RSPO2: variants seen among roughly 807,000 people sequenced by gnomAD.
RSPO2 encodes the protein R-spondin 2.
Under a neutral mutation model 30.9 loss-of-function variants are expected in RSPO2, and 14 were observed. That is an observed-to-expected ratio of 0.45 (90% CI 0.30 to 0.71). The LOEUF (loss-of-function observed/expected upper bound fraction) is 0.71, where lower values mean the gene tolerates loss of function less well. Among genes scored for constraint, RSPO2 ranks in the 30% least tolerant of loss-of-function variants. RSPO2 has a pLI of 0.08. For synonymous variants in RSPO2, 107 were observed against 96.4 expected (o/e 1.11, Z -0.64); for missense variants, 264 against 301.9 (o/e 0.87, Z 0.93).
chr8:107,997,975 C>T (rs960797173), intron 2 of RSPO2, among the ~76,000 whole-genome samples: 4 of 152,182 alleles, frequency 2.6e-5, no homozygotes, highest in Non-Finnish European at 5.9e-5. Flanking sequence ...TAGGTGAAGG[C>T]ATCCATCCTG....
At chr8:107,994,324 A>T (rs530991083) in intron 2 of RSPO2, among the ~76,000 whole-genome samples, 2 of 152,324 alleles carry the variant, frequency 1.3e-5, no homozygotes, top group Admixed American at 1.3e-4. Flanking sequence ...CAATGTACTT[A>T]CTTACAATTA....
chr8:107,901,096 A>C lies in RSPO2; in HGVS notation c.711T>G (p.Ala237=). Residue 237 remains alanine (A), a synonymous_variant, in exon 6 of 6, where the codon GCT becomes GCG. Coordinates refer to ENST00000276659, the MANE Select transcript of RSPO2 (RefSeq NM_178565.5). ...TGTTTTATTGGTTAGCTCTGTCTGT[A>C]GCTAGGAAGACGCTGTGTTGCTCCT... The part of the protein sequence containing the change: ...RAQEQHSVFL[A]TDRANQ The C allele has an allele frequency of 1.2e-6, 2 of 1,614,056 alleles. No individual in the cohort carries two copies. The highest frequency in any genetic ancestry group is 1.7e-6 in the Non-Finnish European group (2 of 1,179,998).
intron 5 of RSPO2, among the ~76,000 whole-genome samples, chr8:107,957,523 A>T (rs1258458401): frequency 2.0e-5 from 3 of 152,228 alleles, no homozygotes; most frequent in Non-Finnish European, 4.4e-5. Flanking sequence ...GAATAAACAC[A>T]CACATACCAG....
chr8:108,004,710 G>C (rs1301574131), intron 2 of RSPO2, among the ~76,000 whole-genome samples: 1 of 151,998 alleles, frequency 6.6e-6, no homozygotes, highest in Non-Finnish European at 1.5e-5. Context: ...TAGACATGTA[G>C]GTTTATACAT....
chr8:107,911,694 C>T (rs1044772265), intron 5 of RSPO2, among the ~76,000 whole-genome samples: 6 of 152,076 alleles, frequency 3.9e-5, no homozygotes, highest in South Asian at 2.1e-4. Flanking sequence ...TCTATTTTGC[C>T]GATGAGGAAA....
chr8:108,048,913 C>A (rs1012720466), intron 2 of RSPO2, among the ~76,000 whole-genome samples: 1 of 152,132 alleles, frequency 6.6e-6, no homozygotes, highest in Admixed American at 6.6e-5. Context: ...TTTCTGCCTT[C>A]ATTTCGTTGT....
chr8:108,061,545 G>C (rs1405304388), intron 2 of RSPO2, among the ~76,000 whole-genome samples: 1 of 151,656 alleles, frequency 6.6e-6, no homozygotes, highest in East Asian at 1.9e-4. Context: ...CAAATCCTTA[G>C]AGACCTACAA....
intron 3 of RSPO2, among the ~76,000 whole-genome samples, chr8:107,971,930 G>T (rs547897414): frequency 6.6e-6 from 1 of 152,144 alleles, no homozygotes; most frequent in African/African-American, 2.4e-5. Flanking sequence ...AACATCCTCT[G>T]CCCTCCCAAC....
intron 2 of RSPO2, among the ~76,000 whole-genome samples, chr8:108,037,625 T>A (rs941850795): frequency 1.3e-5 from 2 of 152,182 alleles, no homozygotes; most frequent in East Asian, 3.8e-4. Context: ...CACCCAGGAT[T>A]TTCATAGCTA....
At chr8:108,072,492 AT>A (rs71308776) in intron 2 of RSPO2, among the ~76,000 whole-genome samples, 23,754 of 122,502 alleles carry the variant, frequency 0.19, 1,878 homozygotes, top group Middle Eastern at 0.23. Flanking sequence ...AGCCCGGCTA[AT>A]TTTTTTTTTT....
chr8:108,059,854 G>A (rs1198910105), intron 2 of RSPO2, among the ~76,000 whole-genome samples: 1 of 121,212 alleles, frequency 8.3e-6, no homozygotes, highest in East Asian at 2.8e-4. Flanking sequence ...GACTGTTGTG[G>A]GGTGGGGGGA....
intron 3 of RSPO2, among the ~76,000 whole-genome samples, chr8:107,988,550 A>ATT (rs1814731338): frequency 6.6e-6 from 1 of 152,152 alleles, no homozygotes; most frequent in Non-Finnish European, 1.5e-5. Context: ...TGTATGTGGA[A>ATT]TTGTGTCTTA....
At chr8:108,017,519 C>T (rs1462189177) in intron 2 of RSPO2, among the ~76,000 whole-genome samples, 1 of 151,956 alleles carries the variant, frequency 6.6e-6, no homozygotes, top group East Asian at 1.9e-4. Flanking sequence ...GTAGATAATG[C>T]CCCAAATTAA....
chr8:107,949,983 C>T (rs1813189228), intron 5 of RSPO2, among the ~76,000 whole-genome samples: 1 of 152,174 alleles, frequency 6.6e-6, no homozygotes, highest in Non-Finnish European at 1.5e-5. Context: ...CTTTTGGAAG[C>T]ATGTATGTGA....
At chr8:107,951,080 G>GTTT (rs1341027465) in intron 5 of RSPO2, among the ~76,000 whole-genome samples, 5 of 139,412 alleles carry the variant, frequency 3.6e-5, no homozygotes, top group Non-Finnish European at 7.6e-5. Context: ...TGTTGTTGTT[G>GTTT]TTTTTGAGAA....
chr8:108,061,767 T>C (rs939766805), intron 2 of RSPO2, among the ~76,000 whole-genome samples: 20 of 150,852 alleles, frequency 1.3e-4, no homozygotes, highest in South Asian at 2.1e-4. Flanking sequence ...TATTCCAAAA[T>C]TGACCACATA....
chr8:108,059,190 G>T (rs1016170306), intron 2 of RSPO2, among the ~76,000 whole-genome samples: 6 of 151,292 alleles, frequency 4.0e-5, no homozygotes, highest in African/African-American at 1.5e-4. Flanking sequence ...GTGGGCGAAG[G>T]ACATGAACAG....
intron 2 of RSPO2, among the ~76,000 whole-genome samples, chr8:108,068,196 A>G (rs1437485798): frequency 6.6e-6 from 1 of 152,246 alleles, no homozygotes; most frequent in Non-Finnish European, 1.5e-5. Flanking sequence ...ATAAGTAATA[A>G]AGAGGTGACT....
intron 5 of RSPO2, among the ~76,000 whole-genome samples, chr8:107,905,939 A>T (rs572506300): frequency 1.2e-3 from 181 of 152,182 alleles, no homozygotes; most frequent in Non-Finnish European, 1.8e-3. Flanking sequence ...AAAGGAAATA[A>T]AAATAGCTAA....
Sources: allele counts gnomAD v4.1 joint callset (sites outside exome capture counted in the v4.1 genomes callset), GRCh38; gene constraint gnomAD v4.1.1; transcripts MANE v1.5; gene names NCBI Gene and HGNC (gene_info 2026-07-23, HGNC 2026-07-21).